SHF: variants seen among roughly 807,000 people sequenced by gnomAD.
SHF encodes the protein SH2 domain-containing adapter protein F.
Under a neutral mutation model 42.4 loss-of-function variants are expected in SHF, and 30 were observed. That is an observed-to-expected ratio of 0.71 (90% CI 0.53 to 0.96). The LOEUF is 0.96. Ranked by LOEUF, SHF falls within the 40% of genes least tolerant of loss-of-function variation. SHF has a pLI of 0.00. For synonymous variants in SHF, 264 were observed against 269.9 expected (o/e 0.98, Z 0.21); for missense variants, 598 against 634.0 (o/e 0.94, Z 0.61).
chr15:45,198,658 A>C lies in SHF; in HGVS notation c.303+114T>G, dbSNP rs536809854. ...TGCTGCGGCCACAACGCAGAGTACT[A>C]ACCACTATACGATCACGGCGAGCTA... On this transcript the variant is annotated intron_variant, in intron 2 of 7. Coordinates refer to the SHF transcript ENST00000290894. 39 of 1,380,114 alleles carry C rather than the reference A, an allele frequency of 2.8e-5. No homozygotes were observed. The Admixed American group carries it at 7.6e-4, about 27-fold the overall frequency. The allele number at this position is 1,380,114 out of a possible 1,614,324, so 85.5% of individuals were successfully genotyped here.
upstream of SHF, among the ~76,000 whole-genome samples, chr15:45,192,615 C>T (rs1471805593): frequency 6.6e-6 from 1 of 152,120 alleles, no homozygotes; most frequent in Non-Finnish European, 1.5e-5. Flanking sequence ...TCGTGATCCA[C>T]CTTCCTCGGC....
Sources: gnomAD v4.1 joint callset for allele counts (sites outside exome capture counted in the v4.1 genomes callset) on GRCh38, gnomAD v4.1.1 for gene constraint, MANE v1.5 for transcripts, NCBI Gene and HGNC (gene_info 2026-07-23, HGNC 2026-07-21) for gene names.